Variants in ZNF280C observed in about 807,000 individuals in gnomAD.
The protein encoded by ZNF280C is suppressor of hairy wing homolog 3.
A neutral mutation model predicts 53.6 loss-of-function variants in ZNF280C; 14 were observed. The ratio of observed to expected loss-of-function variants is 0.26; its 90% CI spans 0.17 to 0.41. The LOEUF (loss-of-function observed/expected upper bound fraction) is 0.41, where lower values mean the gene tolerates loss of function less well. Among genes scored for constraint, ZNF280C ranks in the 10% least tolerant of loss-of-function variants. The pLI is 1.00. For synonymous variants in ZNF280C, 203 were observed against 181.1 expected (o/e 1.12, Z -0.97); for missense variants, 416 against 547.1 (o/e 0.76, Z 2.39).
At chrX:130,209,316 C>G (rs1476872398) in intron 16 of ZNF280C, among the ~76,000 whole-genome samples, 3 of 112,160 alleles carry the variant, frequency 2.7e-5, no homozygotes, top group East Asian at 2.8e-4. Context: ...TTTTTCTGTA[C>G]AGTAAACAAC....
At chrX:130,219,202 G>A (rs1367540842) in intron 13 of ZNF280C, among the ~76,000 whole-genome samples, 1 of 111,553 alleles carries the variant, frequency 9.0e-6, no homozygotes, top group African/African-American at 3.3e-5. Context: ...AAAGAAGTCA[G>A]AGGGCCAGGC....
intron 16 of ZNF280C, among the ~76,000 whole-genome samples, chrX:130,208,407 G>A (rs1376908851): frequency 9.0e-6 from 1 of 111,519 alleles, no homozygotes; most frequent in Non-Finnish European, 1.9e-5. Context: ...TGGGATTACA[G>A]GTGTGAGCCA....
At chrX:130,263,431 T>C (rs1478634335) in intron 1 of ZNF280C, among the ~76,000 whole-genome samples, 1 of 112,312 alleles carries the variant, frequency 8.9e-6, no homozygotes, top group Non-Finnish European at 1.9e-5. Context: ...GAGAACATTA[T>C]ACTAAGTGAA....
chrX:130,245,595 A>T (rs1280088260), intron 3 of ZNF280C, among the ~76,000 whole-genome samples: 1 of 111,242 alleles, frequency 9.0e-6, no homozygotes, highest in African/African-American at 3.3e-5. Context: ...GATTTCAGAA[A>T]ATTTAAAACT....
intron 12 of ZNF280C, among the ~76,000 whole-genome samples, chrX:130,223,354 G>A (rs1171292502): frequency 8.9e-6 from 1 of 112,182 alleles, no homozygotes; most frequent in African/African-American, 3.2e-5. Flanking sequence ...CACTGCACCT[G>A]GCCAATTTGA....
chrX:130,252,105 C>T (rs1187148619), intron 2 of ZNF280C, among the ~76,000 whole-genome samples: 4 of 111,531 alleles, frequency 3.6e-5, no homozygotes, highest in African/African-American at 1.3e-4. Context: ...CAGAATGAGA[C>T]GCTATCTCAG....
intron 5 of ZNF280C, among the ~76,000 whole-genome samples, chrX:130,240,488 A>C (rs781495238): frequency 3.6e-4 from 40 of 112,076 alleles, no homozygotes; most frequent in Non-Finnish European, 6.4e-4. Context: ...ACTATGACTT[A>C]ATTGTAACCA....
intron 2 of ZNF280C, among the ~76,000 whole-genome samples, chrX:130,249,344 C>T (rs12558730): frequency 0.53 from 58,492 of 110,749 alleles, 12,567 homozygotes; most frequent in African/African-American, 0.83. Context: ...GCTGCTGCCA[C>T]TGGCATGTGT....
At chrX:130,244,799 AAG>A (rs202162754) in intron 3 of ZNF280C, among the ~76,000 whole-genome samples, 3,801 of 45,288 alleles carry the variant, frequency 0.084, 306 homozygotes, top group African/African-American at 0.38. Flanking sequence ...AAAAAAAAAA[AAG>A]AGAGAAAAGA....
Position 130,236,554 on chromosome X carries a change from T to C in ZNF280C, c.579A>G (p.Glu193=), listed in dbSNP as rs2032336777. ...SVTPKKPKTS[E]DVPQINPSTS... ...TGGAGGGATTTATCTGAGGAACATC[T>C]TCACTGGTCTTTGGTTTTTTTGGAG... is the stretch of plus-strand genomic sequence containing the variant. The change falls in exon 7 of 19, where the codon GAA becomes GAG. Residue 193 remains glutamate (E), a synonymous_variant. Coordinates refer to ENST00000370978, the MANE Select transcript of ZNF280C (RefSeq NM_017666.5). 3 of 1,205,095 alleles carry C rather than the reference T, an allele frequency of 2.5e-6. No homozygotes were observed. Among genetic ancestry groups the C allele is most frequent in the Admixed American group, 4.4e-5 (2 of 45,478 alleles).
At chrX:130,243,085 G>C (rs1420578719) in intron 5 of ZNF280C, among the ~76,000 whole-genome samples, 1 of 112,050 alleles carries the variant, frequency 8.9e-6, no homozygotes, top group Non-Finnish European at 1.9e-5. Context: ...TTATTATTTT[G>C]GGTTTTGGTT....
chrX:130,233,333 T>C (rs1285299557), intron 8 of ZNF280C, among the ~76,000 whole-genome samples: 1 of 111,646 alleles, frequency 9.0e-6, no homozygotes, highest in Non-Finnish European at 1.9e-5. Context: ...TTAAAAAAAT[T>C]TGGCCAGGTG....
intron 12 of ZNF280C, among the ~76,000 whole-genome samples, chrX:130,226,160 T>C (rs1026674186): frequency 8.9e-6 from 1 of 112,360 alleles, no homozygotes; most frequent in South Asian, 3.7e-4. Context: ...TAAATATAGT[T>C]CTCTAGTATA....
intron 8 of ZNF280C, among the ~76,000 whole-genome samples, chrX:130,235,331 A>G (rs1376750059): frequency 2.7e-5 from 3 of 112,056 alleles, no homozygotes; most frequent in Non-Finnish European, 3.8e-5. Flanking sequence ...TCTGGCCAAC[A>G]TGGCAAAACC....
At chrX:130,234,678 T>G (rs947770732) in intron 8 of ZNF280C, among the ~76,000 whole-genome samples, 1 of 111,880 alleles carries the variant, frequency 8.9e-6, no homozygotes, top group Non-Finnish European at 1.9e-5. Flanking sequence ...TTGCCTCCTT[T>G]GCCCCTTCCT....
chrX:130,217,809 G>A (rs1025424414), intron 13 of ZNF280C, among the ~76,000 whole-genome samples: 8 of 112,060 alleles, frequency 7.1e-5, no homozygotes, highest in African/African-American at 1.9e-4. Flanking sequence ...AGATATTAAC[G>A]AATAATTAGG....
intron 12 of ZNF280C, among the ~76,000 whole-genome samples, chrX:130,222,999 G>T (rs1353280678): frequency 1.8e-5 from 2 of 111,423 alleles, no homozygotes; most frequent in Admixed American, 1.9e-4. Context: ...TGTTCCAAGG[G>T]TAGAGAAAAA....
chrX:130,268,374 G>C (rs2032712837), intron 1 of ZNF280C, among the ~76,000 whole-genome samples: 1 of 111,444 alleles, frequency 9.0e-6, no homozygotes, highest in African/African-American at 3.3e-5. Context: ...GCGGGTCTCC[G>C]TCAAACATCA....
chrX:130,208,425 C>T lies in ZNF280C; in HGVS notation c.2042+1228G>A, dbSNP rs764764064. Among the ~76,000 whole-genome samples, 15 of 110,421 alleles carry T rather than the reference C, an allele frequency of 1.4e-4. No homozygotes were observed. In the East Asian group the frequency reaches 1.7e-3, roughly 13 times the overall value. On this transcript the variant is annotated intron_variant, in intron 16 of 18. Coordinates refer to ENST00000370978, the MANE Select transcript of ZNF280C (RefSeq NM_017666.5). ...GATTACAGGTGTGAGCCACTGCACC[C>T]GACCCATACACAGAATTTGATCAAT...
Sources: allele counts gnomAD v4.1 joint callset (sites outside exome capture counted in the v4.1 genomes callset), GRCh38; gene constraint gnomAD v4.1.1; transcripts MANE v1.5; gene names NCBI Gene and HGNC (gene_info 2026-07-23, HGNC 2026-07-21).